The following RBL1 variants were observed in gnomAD, a reference collection of about 807,000 sequenced individuals.
RBL1 encodes the protein retinoblastoma-like protein 1.
Under a neutral mutation model 123.0 loss-of-function variants are expected in RBL1, and 82 were observed. The ratio of observed to expected loss-of-function variants is 0.67; its 90% CI spans 0.56 to 0.80. RBL1 has a LOEUF of 0.80. RBL1 is among the 30% of genes least tolerant of loss of function. The pLI is 0.00. For missense variants in RBL1, 1,171 were observed against 1,299.6 expected, an observed-to-expected ratio of 0.90 and a Z score of 1.52; for synonymous variants, 405 against 441.3, an observed-to-expected ratio of 0.92 and a Z score of 1.03.
At position 37,062,245 on chromosome 20, in the gene RBL1, C is replaced by T; in HGVS notation, c.922G>A (p.Glu308Lys). 2 of 1,614,122 alleles carry T rather than the reference C, an allele frequency of 1.2e-6. No homozygotes were observed. The highest frequency in any genetic ancestry group is 1.7e-6 in the Non-Finnish European group (2 of 1,180,026). ...AAATCACCAACAGTTAGAACATACT[C>T]TTCATACTCCTTATTCACTGCTTTG... The part of the protein sequence containing the change: ...NSKAVNKEYE[E>K]YVLTVGDFDE... The change falls in exon 8 of 22, where the codon GAG becomes AAG. Residue 308 changes from glutamate (E) to lysine (K), a missense_variant. Coordinates refer to ENST00000373664, the MANE Select transcript of RBL1 (RefSeq NM_002895.5).
chr20:37,001,054 G>C (rs1233821575), intron 21 of RBL1, among the ~76,000 whole-genome samples: 1 of 142,358 alleles, frequency 7.0e-6, no homozygotes, highest in East Asian at 2.2e-4. Context: ...CCGGCCAGCC[G>C]CCCCATCCGG....
intron 9 of RBL1, among the ~76,000 whole-genome samples, chr20:37,057,214 C>T (rs930212618): frequency 1.3e-5 from 2 of 152,118 alleles, no homozygotes; most frequent in African/African-American, 2.4e-5. Flanking sequence ...TGGATGTATA[C>T]CCAGAAGTGG....
chr20:37,020,696 A>T lies in RBL1; in HGVS notation c.2594T>A (p.Met865Lys). The change falls in exon 18 of 22, where the codon ATG (methionine) becomes AAG (lysine). Residue 865 changes from methionine (M) to lysine (K), a missense_variant. By Grantham distance (95) the Met-to-Lys change is moderately conservative (BLOSUM62 -1). Coordinates refer to ENST00000373664, the MANE Select transcript of RBL1 (RefSeq NM_002895.5). ...TTGGGGCTGATTCCTATAACTTTTC[A>T]TAATTTCTTGAAAAGTTCTTTCTTC... ...TKEERTFQEI[M>K]KSYRNQPQAN... The T allele has an allele frequency of 6.3e-6, 10 of 1,589,438 alleles. No individual in the cohort carries two copies. Among genetic ancestry groups the T allele is most frequent in the Non-Finnish European group, 7.7e-6 (9 of 1,165,780 alleles).
intron 2 of RBL1, among the ~76,000 whole-genome samples, chr20:37,081,613 C>A (rs574117452): frequency 6.6e-5 from 10 of 152,314 alleles, no homozygotes; most frequent in Admixed American, 4.6e-4. Context: ...GAGCTATGAT[C>A]ATGCCATTGC....
At chr20:37,007,140 T>C (rs1568815612) in intron 20 of RBL1, among the ~76,000 whole-genome samples, 1 of 151,916 alleles carries the variant, frequency 6.6e-6, no homozygotes, top group Non-Finnish European at 1.5e-5. Flanking sequence ...TACCAGCTAT[T>C]TGGGAGGCTG....
chr20:37,040,513 C>T lies in RBL1; in HGVS notation c.1771-228G>A, dbSNP rs189443480. On this transcript the variant is annotated intron_variant, in intron 13 of 21. Transcript: ENST00000373664. ...GACTACAGGTGTGTGCCATCATGCC[C>T]GGCTAATTTTTGTATTTTTAGGAGA... Among the ~76,000 whole-genome samples, 327 of 152,018 alleles carry T rather than the reference C, an allele frequency of 2.2e-3. 2 individuals carry two copies. The highest frequency in any genetic ancestry group is 7.5e-3 in the African/African-American group (310 of 41,456).
chr20:37,015,079 A>G (rs932120060), intron 19 of RBL1, among the ~76,000 whole-genome samples: 3 of 151,522 alleles, frequency 2.0e-5, no homozygotes, highest in Non-Finnish European at 4.4e-5. Context: ...AAAAAAAAAA[A>G]AAAAGAAAGA....
chr20:37,079,217 A>C (rs1414334255), intron 2 of RBL1, among the ~76,000 whole-genome samples: 1 of 151,790 alleles, frequency 6.6e-6, no homozygotes, highest in African/African-American at 2.4e-5. Flanking sequence ...AAAAAAAAAA[A>C]AAAACCCTCA....
intron 2 of RBL1, among the ~76,000 whole-genome samples, chr20:37,085,013 G>A (rs1391308819): frequency 6.6e-6 from 1 of 152,058 alleles, no homozygotes; most frequent in East Asian, 1.9e-4. Context: ...TGATCCGCCC[G>A]TCTAAGCCTT....
At chr20:37,045,764 A>G (rs144790446) in intron 12 of RBL1, among the ~76,000 whole-genome samples, 21 of 152,296 alleles carry the variant, frequency 1.4e-4, no homozygotes, top group Admixed American at 7.2e-4. Context: ...ACCTAAAAAT[A>G]CTTTAATCAC....
intron 16 of RBL1, among the ~76,000 whole-genome samples, chr20:37,030,854 C>CAA (rs111256421): frequency 1.8e-3 from 180 of 101,874 alleles, no homozygotes; most frequent in South Asian, 0.012. Flanking sequence ...GACTCTGTCT[C>CAA]AAAAAAAAAA....
At chr20:37,071,802 T>C (rs1400095518) in intron 2 of RBL1, among the ~76,000 whole-genome samples, 1 of 152,122 alleles carries the variant, frequency 6.6e-6, no homozygotes, top group African/African-American at 2.4e-5. Context: ...TGTTTAAAAG[T>C]GTGGCACTTC....
chr20:37,005,274 A>C (rs2064052275), intron 20 of RBL1, among the ~76,000 whole-genome samples: 2 of 151,926 alleles, frequency 1.3e-5, no homozygotes, highest in Middle Eastern at 6.8e-3. Flanking sequence ...GGGCGTGGTG[A>C]CAGGCGCCTG....
chr20:37,022,841 A>AAC lies in RBL1; in HGVS notation c.2383-17_2383-16dup. On this transcript the variant is annotated splice_polypyrimidine_tract_variant and intron_variant, in intron 16 of 21. Transcript: ENST00000373664. The stretch of plus-strand genomic sequence containing the variant: ...AAATGATAGACCTAAAATAGAAGGT[A>AAC]ACACATTGATGCAAAACACCAAGTA... 6.3e-7 allele frequency: 1 copy of AAC among 1,586,284 alleles called. No individual in the cohort carries two copies. Among genetic ancestry groups the AAC allele is most frequent in the South Asian group, 1.1e-5 (1 of 88,884 alleles).
chr20:37,040,439 A>T (rs991830137), intron 13 of RBL1, among the ~76,000 whole-genome samples, 154 bp from the exon 14 acceptor site: 4 of 152,044 alleles, frequency 2.6e-5, no homozygotes, highest in Admixed American at 6.6e-5. Context: ...GCAACCTCCA[A>T]CGCCCGGGGT....
At chr20:37,004,032 TAAC>T (rs2064030358) in intron 20 of RBL1, among the ~76,000 whole-genome samples, 166 bp from the exon 21 acceptor site, 1 of 151,836 alleles carries the variant, frequency 6.6e-6, no homozygotes, top group South Asian at 2.1e-4. Flanking sequence ...TTTTTTTTTT[TAAC>T]AACAATAGAT....
At chr20:37,064,969 T>C (rs998736846) in intron 7 of RBL1, among the ~76,000 whole-genome samples, 1 of 150,772 alleles carries the variant, frequency 6.6e-6, no homozygotes, top group African/African-American at 2.4e-5. Context: ...TCTCACTCTG[T>C]CACCTAGACT....
intron 19 of RBL1, among the ~76,000 whole-genome samples, chr20:37,011,631 C>T (rs545191786): frequency 6.6e-6 from 1 of 151,838 alleles, no homozygotes; most frequent in South Asian, 2.1e-4. Context: ...GATGGGGTTT[C>T]ACCATGTCGG....
chr20:37,052,924 G>A (rs1384727287), intron 11 of RBL1, among the ~76,000 whole-genome samples: 1 of 152,220 alleles, frequency 6.6e-6, no homozygotes, highest in Non-Finnish European at 1.5e-5. Flanking sequence ...TTACAGGCAT[G>A]AGCCACTGCG....
Sources: allele counts gnomAD v4.1 joint callset (sites outside exome capture counted in the v4.1 genomes callset), GRCh38; gene constraint gnomAD v4.1.1; transcripts MANE v1.5; gene names NCBI Gene and HGNC (gene_info 2026-07-23, HGNC 2026-07-21).